FBN2: variants seen among roughly 807,000 people sequenced by gnomAD.
FBN2 encodes fibrillin-2.
FBN2 carries 105 observed loss-of-function variants against 355.6 expected under a neutral mutation model. The ratio of observed to expected loss-of-function variants is 0.30; its 90% confidence interval spans 0.25 to 0.35. The LOEUF (loss-of-function observed/expected upper bound fraction) is 0.35, where lower values mean the gene tolerates loss of function less well. Among genes scored for constraint, FBN2 ranks in the 10% least tolerant of loss-of-function variants. The pLI is 1.00. For synonymous variants in FBN2, 1,350 were observed against 1,301.2 expected (o/e 1.04, Z -0.81); for missense variants, 3,280 against 3,758.7 (o/e 0.87, Z 3.33).
At chr5:128,437,899 A>G (rs757381864) in intron 7 of FBN2, among the ~76,000 whole-genome samples, 2 of 152,134 alleles carry the variant, frequency 1.3e-5, no homozygotes, top group Non-Finnish European at 2.9e-5. Context: ...AAAGAAATTG[A>G]TCTGTTTTTC....
chr5:128,330,303 G>T (rs188907326), intron 33 of FBN2, among the ~76,000 whole-genome samples: 202 of 152,268 alleles, frequency 1.3e-3, no homozygotes, highest in Non-Finnish European at 2.2e-3. Flanking sequence ...TAACCACTGT[G>T]TTACAAATGA....
At chr5:128,518,028 C>T (rs1756329510) in intron 5 of FBN2, among the ~76,000 whole-genome samples, 1 of 152,160 alleles carries the variant, frequency 6.6e-6, no homozygotes, top group Non-Finnish European at 1.5e-5. Flanking sequence ...TGTCATGAAA[C>T]TGTTTACCAT....
intron 48 of FBN2, among the ~76,000 whole-genome samples, chr5:128,292,874 A>G (rs1002623669): frequency 6.6e-6 from 1 of 152,128 alleles, no homozygotes; most frequent in South Asian, 2.1e-4. Context: ...AATGATCCCT[A>G]ACCTCCTGCG....
intron 25 of FBN2, among the ~76,000 whole-genome samples, chr5:128,342,702 C>T (rs552610559): frequency 5.3e-5 from 8 of 151,340 alleles, no homozygotes; most frequent in Admixed American, 1.3e-4. Flanking sequence ...TCTCTGTCAC[C>T]GGAGGAGAGG....
Position 128,305,441 on chromosome 5 carries a change from A to C in FBN2, c.5674+70T>G, listed in dbSNP as rs540620862. 119 of 1,556,520 alleles carry C rather than the reference A, an allele frequency of 7.6e-5. No homozygotes were observed. The African/African-American group carries it at 1.3e-3, about 17-fold the overall frequency. On this transcript the variant is annotated intron_variant, in intron 44 of 64. Transcript: ENST00000262464. ...AAAATCTTTCCCAAATTATTCTTGA[A>C]GTATTTTTTGATAGGAAATCTAAGG...
chr5:128,343,468 C>T (rs539082445), intron 25 of FBN2, among the ~76,000 whole-genome samples: 23 of 152,162 alleles, frequency 1.5e-4, no homozygotes, highest in African/African-American at 5.5e-4. Context: ...AAGATGTGGC[C>T]GTGAGGTCAG....
Position 128,300,869 on chromosome 5 carries a change from G to A in FBN2, c.6114C>T (p.Ser2038=). ...ACCCTGGGGGACAGATGCATCTGAA[G>A]GATCCCTCCAAATTCTGACAGGTAC... ...SPGTCQNLEG[S]FRCICPPGYE... is the part of the protein sequence containing the mutation. Residue 2038 remains serine, a synonymous_variant, in exon 48 of 65, where the codon TCC becomes TCT. Coordinates refer to ENST00000262464, the MANE Select transcript of FBN2 (RefSeq NM_001999.4). 1.9e-6 allele frequency: 3 copies of A among 1,613,904 alleles called. No individual in the cohort carries two copies. The highest frequency in any genetic ancestry group is 2.5e-6 in the Non-Finnish European group (3 of 1,179,814).
intron 11 of FBN2, among the ~76,000 whole-genome samples, chr5:128,380,683 C>A (rs1752211537): frequency 6.6e-6 from 1 of 151,948 alleles, no homozygotes; most frequent in Non-Finnish European, 1.5e-5. Flanking sequence ...ACTTTAAAAC[C>A]CATTTGTTGT....
At chr5:128,389,997 T>C (rs1752467848) in intron 11 of FBN2, among the ~76,000 whole-genome samples, 1 of 152,218 alleles carries the variant, frequency 6.6e-6, no homozygotes, top group Non-Finnish European at 1.5e-5. Flanking sequence ...CATCTTGGCC[T>C]TTCTCTATGG....
At chr5:128,495,709 G>C (rs1314406547) in intron 5 of FBN2, among the ~76,000 whole-genome samples, 1 of 152,060 alleles carries the variant, frequency 6.6e-6, no homozygotes, top group Non-Finnish European at 1.5e-5. Context: ...AAAATCAAAA[G>C]GTGGTTCTCT....
chr5:128,299,803 G>T (rs1313135363), intron 48 of FBN2, among the ~76,000 whole-genome samples: 1 of 152,182 alleles, frequency 6.6e-6, no homozygotes, highest in Non-Finnish European at 1.5e-5. Context: ...CATGCTGGGA[G>T]CTGTAGACCG....
intron 5 of FBN2, among the ~76,000 whole-genome samples, chr5:128,477,712 C>A (rs1190298214): frequency 6.6e-6 from 1 of 152,150 alleles, no homozygotes; most frequent in Non-Finnish European, 1.5e-5. Flanking sequence ...GCACAACAGA[C>A]CCCGAGTCTG....
At chr5:128,305,729 A>T (rs943909884) in intron 43 of FBN2, 93 bp from the exon 44 acceptor site, 1 of 1,600,460 alleles carries the variant, frequency 6.2e-7, no homozygotes, top group African/African-American at 1.3e-5. Flanking sequence ...CTCTTGAAAA[A>T]TTGTAGAAGA....
intron 12 of FBN2, among the ~76,000 whole-genome samples, chr5:128,378,175 G>T (rs1270062188): frequency 6.6e-6 from 1 of 151,964 alleles, no homozygotes; most frequent in Non-Finnish European, 1.5e-5. Context: ...GTGGATGAAG[G>T]CCTTAAAAGT....
chr5:128,405,959 C>T (rs901968493), intron 8 of FBN2, among the ~76,000 whole-genome samples: 3 of 152,160 alleles, frequency 2.0e-5, no homozygotes, highest in African/African-American at 4.8e-5. Flanking sequence ...ATGACGACTC[C>T]CACGGCGACG....
At chr5:128,526,233 GA>G (rs931996202) in intron 4 of FBN2, among the ~76,000 whole-genome samples, 13 of 149,936 alleles carry the variant, frequency 8.7e-5, no homozygotes, top group African/African-American at 1.2e-4. Flanking sequence ...TATTATTTAA[GA>G]AAAAAAAACA....
In FBN2 at chr5:128,455,541, T is replaced by C. The variant is rs1204114263; in HGVS notation, c.827-8935A>G. On this transcript the variant is annotated intron_variant, in intron 6 of 64. Coordinates refer to ENST00000262464, the MANE Select transcript of FBN2 (RefSeq NM_001999.4). The stretch of plus-strand genomic sequence containing the variant: ...CCAAGATGGCCGACTAGAAGCAGCG[T>C]CTCTCAGAGGCTCCCATCAAAAAAA... 2.6e-5 allele frequency among the ~76,000 whole-genome samples: 4 copies of C among 152,008 alleles called. No homozygotes were observed. In the East Asian group the frequency reaches 5.8e-4, roughly 22 times the overall value.
intron 7 of FBN2, among the ~76,000 whole-genome samples, chr5:128,411,612 T>C (rs1753065548): frequency 1.3e-5 from 2 of 152,234 alleles, no homozygotes; most frequent in Admixed American, 1.3e-4. Flanking sequence ...CATGGTGCTC[T>C]GCTCCTTTGC....
At position 128,509,638 on chromosome 5, in the gene FBN2, G is replaced by A. The variant is rs1756058930; in HGVS notation, c.628+9635C>T. ...ATTTTTGATTGCAGATATTTGATTA[G>A]ATACCATGTATTGGGATTTTTTTTA... On this transcript the variant is annotated intron_variant, in intron 5 of 64. Transcript: ENST00000262464. 2.2e-5 allele frequency among the ~76,000 whole-genome samples: 3 copies of A among 138,462 alleles called. No homozygotes were observed. The South Asian group carries it at 6.9e-4, about 32-fold the overall frequency. The allele number at this position is 138,462 out of a possible 152,430, so 90.8% of individuals were successfully genotyped here. A position where few individuals can be genotyped will look rare whatever the true frequency, so the allele number is the denominator to read the frequency against.
Sources: gnomAD v4.1 joint callset for allele counts (sites outside exome capture counted in the v4.1 genomes callset) on GRCh38, gnomAD v4.1.1 for gene constraint, MANE v1.5 for transcripts, NCBI Gene and HGNC (gene_info 2026-07-23, HGNC 2026-07-21) for gene names.